The following PGM2L1 variants were observed in gnomAD, a reference collection of about 807,000 sequenced individuals.
The protein encoded by PGM2L1 is phosphoglucomutase 2 like 1, also known as glucose 1,6-bisphosphate synthase.
A neutral mutation model predicts 73.4 loss-of-function variants in PGM2L1; 35 were observed. The ratio of observed to expected loss-of-function variants is 0.48; its 90% confidence interval spans 0.36 to 0.63. The LOEUF is 0.63. PGM2L1 is among the 30% of genes least tolerant of loss of function. The pLI is 0.00. For synonymous variants in PGM2L1, 225 were observed against 253.8 expected, an observed-to-expected ratio of 0.89 and a Z score of 1.08; for missense variants, 570 against 742.0, an observed-to-expected ratio of 0.77 and a Z score of 2.69.
chr11:74,371,838 A>AGATT, intron 2 of PGM2L1, 21 bp from the exon 3 acceptor site: 1 of 1,553,898 alleles, frequency 6.4e-7, no homozygotes, highest in Non-Finnish European at 8.9e-7. Flanking sequence ...TAAACACAAA[A>AGATT]GATTAGTTCT....
At chr11:74,372,374 C>T (rs1259817313) in intron 2 of PGM2L1, among the ~76,000 whole-genome samples, 2 of 151,978 alleles carry the variant, frequency 1.3e-5, no homozygotes, top group East Asian at 3.8e-4. Context: ...AAAAATAACA[C>T]CATAGACTAG....
At chr11:74,359,619 G>A (rs752527950) in intron 5 of PGM2L1, among the ~76,000 whole-genome samples, 3 of 152,022 alleles carry the variant, frequency 2.0e-5, no homozygotes, top group Non-Finnish European at 4.4e-5. Flanking sequence ...AGGGAAGGGA[G>A]AGGGAGAAAG....
chr11:74,352,962 T>C (rs1260688419), intron 5 of PGM2L1, among the ~76,000 whole-genome samples: 1 of 152,158 alleles, frequency 6.6e-6, no homozygotes, highest in African/African-American at 2.4e-5. Flanking sequence ...TCAGTGAAAA[T>C]GCAGAATAGA....
At chr11:74,360,960 C>A (rs1268178085) in intron 5 of PGM2L1, among the ~76,000 whole-genome samples, 1 of 152,214 alleles carries the variant, frequency 6.6e-6, no homozygotes. Flanking sequence ...TCTGTAGACT[C>A]CACCTCTGGG....
chr11:74,364,658 T>C (rs370230925), intron 5 of PGM2L1, among the ~76,000 whole-genome samples: 31 of 151,942 alleles, frequency 2.0e-4, no homozygotes, highest in Admixed American at 1.9e-3. Context: ...AACTTACAAG[T>C]GATGTGAAGG....
chr11:74,397,980 T>C, intron 1 of PGM2L1, 71 bp downstream of exon 1: 2 of 1,456,954 alleles, frequency 1.4e-6, no homozygotes, highest in East Asian at 5.0e-5. Flanking sequence ...CGCGGGGCGC[T>C]GGGTGGGCAC....
chr11:74,332,901 A>G lies in PGM2L1; in HGVS notation c.*3751T>C, dbSNP rs1408797778. 1 of 152,646 alleles carries G rather than the reference A, an allele frequency of 6.6e-6. No homozygotes were observed. The highest frequency in any genetic ancestry group is 1.5e-5 in the Non-Finnish European group (1 of 68,024). 9.5% of individuals were successfully genotyped at this position (152,646 alleles called of 1,614,324 possible). ...AACCTAAGCCACTATACATTCTTCAAGATGAACAAAATTTTGTTCAAGTCT... is the reference window on the plus strand; with the variant it reads ...AACCTAAGCCACTATACATTCTTCAGGATGAACAAAATTTTGTTCAAGTCT... On this transcript the variant is annotated 3_prime_UTR_variant, in exon 14 of 14. Coordinates refer to ENST00000298198, the MANE Select transcript of PGM2L1 (RefSeq NM_173582.6).
At chr11:74,386,169 C>T (rs1863015008) in intron 1 of PGM2L1, among the ~76,000 whole-genome samples, 1 of 151,730 alleles carries the variant, frequency 6.6e-6, no homozygotes, top group African/African-American at 2.4e-5. Context: ...ATTTCTTTGG[C>T]ATTAAAACAG....
At chr11:74,376,737 C>T (rs533746254) in intron 1 of PGM2L1, among the ~76,000 whole-genome samples, 12 of 152,148 alleles carry the variant, frequency 7.9e-5, no homozygotes, top group Admixed American at 6.5e-4. Context: ...TTCCCAGTTA[C>T]AGACTTCACA....
intron 5 of PGM2L1, among the ~76,000 whole-genome samples, chr11:74,355,886 A>C (rs1162893376): frequency 6.6e-6 from 1 of 152,174 alleles, no homozygotes; most frequent in Non-Finnish European, 1.5e-5. Flanking sequence ...ATGGGCAAAA[A>C]ACTCGAGGAC....
chr11:74,376,016 T>C (rs1862847984), intron 1 of PGM2L1, among the ~76,000 whole-genome samples: 2 of 152,316 alleles, frequency 1.3e-5, no homozygotes, highest in Non-Finnish European at 2.9e-5. Flanking sequence ...AGAGGGTACA[T>C]AGCACTGTAA....
intron 4 of PGM2L1, among the ~76,000 whole-genome samples, chr11:74,370,290 A>G (rs943560540): frequency 4.6e-5 from 7 of 152,090 alleles, no homozygotes; most frequent in African/African-American, 1.7e-4. Context: ...TGGCTTGTAC[A>G]GCTGTCTTTA....
intron 6 of PGM2L1, 118 bp downstream of exon 6, chr11:74,351,265 G>A (rs1367018038): frequency 6.2e-6 from 6 of 961,552 alleles, no homozygotes; most frequent in East Asian, 5.3e-5. Context: ...ACTCTTATGA[G>A]TACTATTTAG....
At chr11:74,393,849 C>G (rs1473035222) in intron 1 of PGM2L1, among the ~76,000 whole-genome samples, 1 of 152,156 alleles carries the variant, frequency 6.6e-6, no homozygotes, top group East Asian at 1.9e-4. Flanking sequence ...TGCCTAACAT[C>G]TTACATATAG....
In PGM2L1 at chr11:74,394,014, C is replaced by T. The variant is rs187009473; in HGVS notation, c.111+4037G>A. ...ACTAGGAAGGAGGTGAGTGACTTAG[C>T]CCTAGAGCATAGAAGGAGAGAGCAC... On this transcript the variant is annotated intron_variant, in intron 1 of 13. Coordinates refer to ENST00000298198, the MANE Select transcript of PGM2L1 (RefSeq NM_173582.6). 1.3e-4 allele frequency among the ~76,000 whole-genome samples: 20 copies of T among 152,052 alleles called. No homozygotes were observed. The East Asian group carries it at 3.5e-3, about 26-fold the overall frequency.
At chr11:74,349,870 A>G (rs1862323226) in intron 6 of PGM2L1, among the ~76,000 whole-genome samples, 1 of 152,180 alleles carries the variant, frequency 6.6e-6, no homozygotes, top group African/African-American at 2.4e-5. Context: ...CTGTAAAATC[A>G]TCAATATTAC....
chr11:74,343,772 T>TC (rs1862220661), intron 9 of PGM2L1, among the ~76,000 whole-genome samples: 1 of 123,512 alleles, frequency 8.1e-6, no homozygotes, highest in African/African-American at 3.4e-5. Context: ...ACATTATCTT[T>TC]TTTTTTTTTT....
At chr11:74,346,433 C>T (rs1862268329) in intron 8 of PGM2L1, among the ~76,000 whole-genome samples, 1 of 151,920 alleles carries the variant, frequency 6.6e-6, no homozygotes, top group South Asian at 2.1e-4. Flanking sequence ...AAGCATTATA[C>T]TTAACCATTA....
At chr11:74,367,755 C>T (rs995800282) in intron 5 of PGM2L1, among the ~76,000 whole-genome samples, 19 of 152,164 alleles carry the variant, frequency 1.2e-4, no homozygotes, top group African/African-American at 3.9e-4. Flanking sequence ...CCTGGTTGAC[C>T]CAAACACCTT....
Sources: gnomAD v4.1 joint callset for allele counts (sites outside exome capture counted in the v4.1 genomes callset) on GRCh38, gnomAD v4.1.1 for gene constraint, MANE v1.5 for transcripts, NCBI Gene and HGNC (gene_info 2026-07-23, HGNC 2026-07-21) for gene names.